The following WWOX variants were observed in gnomAD, a reference collection of about 807,000 sequenced individuals.
WWOX encodes WW domain-containing oxidoreductase.
A neutral mutation model predicts 46.2 loss-of-function variants in WWOX; 69 were observed. The ratio of observed to expected loss-of-function variants is 1.49; its 90% confidence interval spans 1.23 to 1.82. The LOEUF (loss-of-function observed/expected upper bound fraction) is 1.82. WWOX is among the 40% of genes most tolerant of loss of function. The pLI is 0.00. For synonymous variants in WWOX, 359 were observed against 202.6 expected (o/e 1.77, Z -6.56); for missense variants, 919 against 542.6 (o/e 1.69, Z -6.89).
At chr16:78,262,097 C>CAAAAAAAAA (rs752161345) in intron 5 of WWOX, among the ~76,000 whole-genome samples, 73 of 62,474 alleles carry the variant, frequency 1.2e-3, no homozygotes, top group East Asian at 1.9e-3. Context: ...GAAACTCTGT[C>CAAAAAAAAA]AAAAAAAAAA....
rs114877439 is a variant in WWOX, at chr16:79,208,011, A to G, written c.1057-3597A>G. ...AGGGCCTCAACTATAAATAAACAGC[A>G]ACTGCTTTCTAAATCCCACCTTTCT... is the stretch of plus-strand genomic sequence containing the variant. On this transcript the variant is annotated intron_variant, in intron 8 of 8. Coordinates refer to ENST00000566780, the MANE Select transcript of WWOX (RefSeq NM_016373.4). 1.9e-3 allele frequency among the ~76,000 whole-genome samples: 288 copies of G among 152,366 alleles called. 1 individual carries two copies. The highest frequency in any genetic ancestry group is 6.5e-3 in the African/African-American group (272 of 41,580).
intron 8 of WWOX, among the ~76,000 whole-genome samples, chr16:78,970,301 TC>T (rs1395827766): frequency 1.3e-5 from 2 of 152,212 alleles, no homozygotes; most frequent in Non-Finnish European, 2.9e-5. Flanking sequence ...TCTCTGCCCT[TC>T]CCCACTACAG....
At chr16:79,144,865 A>G (rs1567580175) in intron 8 of WWOX, among the ~76,000 whole-genome samples, 3 of 152,144 alleles carry the variant, frequency 2.0e-5, no homozygotes, top group Non-Finnish European at 4.4e-5. Flanking sequence ...TAATTGTTCT[A>G]TTATTGTTGC....
rs149587958 is a variant in WWOX, at chr16:78,520,091, C to G, written c.1056+87339C>G. On this transcript the variant is annotated intron_variant, in intron 8 of 8. Coordinates refer to ENST00000566780, the MANE Select transcript of WWOX (RefSeq NM_016373.4). ...TTCACTTAGTTTCGAAAGGTTTCTC[C>G]CTCCACTCCCATCCCGGCCACAGAT... Among the ~76,000 whole-genome samples the G allele has an allele frequency of 4.6e-3, 699 of 152,262 alleles. 4 individuals carry two copies. The highest frequency in any genetic ancestry group is 7.5e-3 in the Non-Finnish European group (510 of 68,002).
chr16:78,426,733 G>A (rs1011445478), intron 7 of WWOX, among the ~76,000 whole-genome samples: 4 of 152,028 alleles, frequency 2.6e-5, no homozygotes, highest in Non-Finnish European at 2.9e-5. Flanking sequence ...GCATGATCTC[G>A]GCTCACCACA....
intron 5 of WWOX, among the ~76,000 whole-genome samples, chr16:78,233,083 G>T (rs1343736861): frequency 6.6e-6 from 1 of 152,164 alleles, no homozygotes; most frequent in African/African-American, 2.4e-5. Context: ...GGAAGGCCAA[G>T]AAAGAAATAC....
rs570954430 is a variant in WWOX at position 78,658,412 on chromosome 16, A to G, written c.1056+225660A>G. Among the ~76,000 whole-genome samples the G allele has an allele frequency of 4.6e-5, 7 of 152,314 alleles. No homozygotes were observed. The South Asian group carries it at 6.2e-4, about 14-fold the overall frequency. ...AATCCTCACAAGAATTCTGTAATGT[A>G]GTGTAGTTTCCCAGGGCTTCCTTGA... On this transcript the variant is annotated intron_variant, in intron 8 of 8. Transcript: ENST00000566780.
intron 5 of WWOX, among the ~76,000 whole-genome samples, chr16:78,307,930 C>T (rs1426387084): frequency 3.9e-5 from 6 of 152,148 alleles, no homozygotes; most frequent in Non-Finnish European, 5.9e-5. Context: ...GGTTAAGCAC[C>T]ATGCCATTCA....
chr16:78,430,098 C>T (rs1376641791), intron 7 of WWOX, among the ~76,000 whole-genome samples: 1 of 152,140 alleles, frequency 6.6e-6, no homozygotes, highest in African/African-American at 2.4e-5. Flanking sequence ...CTGGGGAGGC[C>T]TCACAATCAT....
At chr16:78,447,544 C>G (rs1449746867) in intron 8 of WWOX, among the ~76,000 whole-genome samples, 1 of 152,210 alleles carries the variant, frequency 6.6e-6, no homozygotes, top group East Asian at 1.9e-4. Context: ...TTCAACTACA[C>G]TTAGGTAAAT....
intron 8 of WWOX, among the ~76,000 whole-genome samples, chr16:78,776,691 C>G (rs1481474570): frequency 6.6e-6 from 1 of 152,104 alleles, no homozygotes; most frequent in Non-Finnish European, 1.5e-5. Flanking sequence ...AATTGACTCA[C>G]AATTCTGCAT....
At chr16:78,614,955 G>T (rs76226413) in intron 8 of WWOX, among the ~76,000 whole-genome samples, 2,206 of 152,146 alleles carry the variant, frequency 0.014, 66 homozygotes, top group African/African-American at 0.051. Flanking sequence ...GCTTTAATCA[G>T]TTGATACATG....
chr16:78,893,557 G>C (rs551704824), intron 8 of WWOX, among the ~76,000 whole-genome samples: 2 of 152,268 alleles, frequency 1.3e-5, no homozygotes, highest in African/African-American at 4.8e-5. Flanking sequence ...CTCAGACTCA[G>C]CTCCTTCCAC....
chr16:79,043,833 TG>T (rs1319619121), intron 8 of WWOX, among the ~76,000 whole-genome samples: 1 of 152,174 alleles, frequency 6.6e-6, no homozygotes, highest in Non-Finnish European at 1.5e-5. Context: ...CAGGCTTAGA[TG>T]GGATGTAGAG....
chr16:78,911,476 A>T (rs772751527), intron 8 of WWOX, among the ~76,000 whole-genome samples: 1 of 152,042 alleles, frequency 6.6e-6, no homozygotes, highest in Non-Finnish European at 1.5e-5. Flanking sequence ...TGAAAGATTC[A>T]GAAGTTGAAG....
In WWOX at chr16:78,108,502, G is replaced by T. The variant is rs372151545; in HGVS notation, c.172+15G>T. 1.1e-5 allele frequency: 17 copies of T among 1,613,294 alleles called. No homozygotes were observed. The highest frequency in any genetic ancestry group is 6.7e-5 in the East Asian group (3 of 44,868). On this transcript the variant is annotated intron_variant, in intron 2 of 8. Transcript: ENST00000566780. Reference sequence around the variant, plus strand: ...AGTGGCAGGAGGTTTGTATGTTGTTGTCTAAGGATCTTGGATGGAAGCATT... The same window carrying T: ...AGTGGCAGGAGGTTTGTATGTTGTTTTCTAAGGATCTTGGATGGAAGCATT...
At chr16:78,453,944 C>T (rs59619041) in intron 8 of WWOX, among the ~76,000 whole-genome samples, 18,192 of 151,980 alleles carry the variant, frequency 0.12, 1,684 homozygotes, top group African/African-American at 0.25. Context: ...CTACCAAGTC[C>T]AACTTGTAGA....
chr16:78,676,161 C>T (rs186736539), intron 8 of WWOX, among the ~76,000 whole-genome samples: 226 of 151,938 alleles, frequency 1.5e-3, no homozygotes, highest in African/African-American at 5.0e-3. Flanking sequence ...AATTCCTGAG[C>T]GCCGTGTCTT....
intron 5 of WWOX, among the ~76,000 whole-genome samples, chr16:78,316,090 A>T (rs1360783394): frequency 2.9e-5 from 4 of 138,642 alleles, no homozygotes; most frequent in Non-Finnish European, 6.0e-5. Context: ...TACTGAAAAT[A>T]AAAAAAAAAT....
Sources: allele counts gnomAD v4.1 joint callset (sites outside exome capture counted in the v4.1 genomes callset), GRCh38; gene constraint gnomAD v4.1.1; transcripts MANE v1.5; gene names NCBI Gene and HGNC (gene_info 2026-07-23, HGNC 2026-07-21).